The following ADK variants were observed in gnomAD, a reference collection of about 807,000 sequenced individuals.
ADK encodes the protein adenosine kinase.
Under a neutral mutation model 44.7 loss-of-function variants are expected in ADK, and 24 were observed. That is an observed-to-expected ratio of 0.54 (90% confidence interval 0.39 to 0.76). The LOEUF (loss-of-function observed/expected upper bound fraction) is 0.76, where lower values mean the gene tolerates loss of function less well. ADK is among the 30% of genes least tolerant of loss of function. The pLI, the probability that ADK is intolerant of heterozygous loss-of-function variation, is 0.00. For missense variants in ADK, 321 were observed against 425.1 expected (o/e 0.76, Z 2.15); for synonymous variants, 128 against 142.6 (o/e 0.90, Z 0.73).
intron 4 of ADK, among the ~76,000 whole-genome samples, chr10:74,390,530 T>C (rs2132033712): frequency 6.6e-6 from 1 of 152,274 alleles, no homozygotes; most frequent in East Asian, 1.9e-4. Flanking sequence ...TAAATGTATG[T>C]GTGTGTATTT....
intron 10 of ADK, among the ~76,000 whole-genome samples, chr10:74,697,371 T>G (rs1856245288): frequency 6.6e-6 from 1 of 152,088 alleles, no homozygotes; most frequent in Non-Finnish European, 1.5e-5. Flanking sequence ...ACTCCATTTC[T>G]ACAAAAAATA....
chr10:74,381,859 G>A (rs1294026863), intron 4 of ADK, among the ~76,000 whole-genome samples: 1 of 152,164 alleles, frequency 6.6e-6, no homozygotes, highest in Non-Finnish European at 1.5e-5. Context: ...TTTTGATGTT[G>A]CTGCTGTTAA....
At chr10:74,184,289 C>T (rs1007792388) in intron 1 of ADK, among the ~76,000 whole-genome samples, 2 of 152,136 alleles carry the variant, frequency 1.3e-5, no homozygotes, top group African/African-American at 4.8e-5. Context: ...TTGCCCAGGA[C>T]AATTCTGGAT....
rs139338945 is a variant in ADK, at chr10:74,248,172, G to C, written c.194+23581G>C. On this transcript the variant is annotated intron_variant, in intron 3 of 10. Transcript: ENST00000539909. ...TTCCTTCGTGTAGAAGACATGGACTGAGTGATTTTTGCTCAATAAAGGAAA... is the reference window on the plus strand; with the variant it reads ...TTCCTTCGTGTAGAAGACATGGACTCAGTGATTTTTGCTCAATAAAGGAAA... Among the ~76,000 whole-genome samples the C allele has an allele frequency of 4.0e-3, 611 of 152,258 alleles. 3 individuals carry two copies. The highest frequency in any genetic ancestry group is 0.014 in the African/African-American group (574 of 41,546).
intron 3 of ADK, among the ~76,000 whole-genome samples, chr10:74,236,350 A>G (rs1233054987): frequency 2.0e-5 from 3 of 152,220 alleles, no homozygotes; most frequent in South Asian, 2.1e-4. Context: ...TTCTAAGTAG[A>G]TTGAAGGATG....
intron 7 of ADK, among the ~76,000 whole-genome samples, chr10:74,574,189 A>G (rs1851089563): frequency 7.1e-6 from 1 of 141,374 alleles, no homozygotes; most frequent in South Asian, 2.2e-4. Flanking sequence ...TTTTTTTGAG[A>G]AAGATTCTCA....
intron 3 of ADK, among the ~76,000 whole-genome samples, chr10:74,302,863 AC>A (rs974665175): frequency 3.3e-5 from 5 of 151,614 alleles, no homozygotes; most frequent in Admixed American, 3.3e-4. Flanking sequence ...TTAAAAAAAA[AC>A]AACCCAGGAA....
At chr10:74,479,594 A>C (rs373636776) in intron 6 of ADK, among the ~76,000 whole-genome samples, 1 of 151,762 alleles carries the variant, frequency 6.6e-6, no homozygotes, top group Non-Finnish European at 1.5e-5. Flanking sequence ...TACTAAATAT[A>C]TATGTATACT....
chr10:74,292,207 T>C (rs753302704), intron 3 of ADK, among the ~76,000 whole-genome samples: 21 of 152,234 alleles, frequency 1.4e-4, no homozygotes, highest in Non-Finnish European at 2.8e-4. Flanking sequence ...CTCATTTTTT[T>C]GCATTACAAA....
At chr10:74,300,056 T>G (rs2132511695) in intron 3 of ADK, among the ~76,000 whole-genome samples, 1 of 151,842 alleles carries the variant, frequency 6.6e-6, no homozygotes, top group Non-Finnish European at 1.5e-5. Flanking sequence ...CGTCTTCTTT[T>G]TTTTTTTTTT....
At chr10:74,256,901 C>G (rs1459220401) in intron 3 of ADK, among the ~76,000 whole-genome samples, 1 of 152,032 alleles carries the variant, frequency 6.6e-6, no homozygotes, top group Non-Finnish European at 1.5e-5. Flanking sequence ...AATTTTTTAC[C>G]TCTCTGATTT....
chr10:74,576,311 G>T (rs943092384), intron 7 of ADK, among the ~76,000 whole-genome samples: 1 of 151,978 alleles, frequency 6.6e-6, no homozygotes, highest in Non-Finnish European at 1.5e-5. Context: ...CAGTGGAGTT[G>T]GAAGATCCAA....
At chr10:74,648,402 G>A (rs12782355) in intron 9 of ADK, among the ~76,000 whole-genome samples, 35,512 of 152,028 alleles carry the variant, frequency 0.23, 5,300 homozygotes, top group East Asian at 0.69. Flanking sequence ...TGCCTAGGCC[G>A]GGCGCCGTGG....
intron 6 of ADK, among the ~76,000 whole-genome samples, chr10:74,492,454 A>G (rs1245978659): frequency 2.0e-5 from 3 of 152,154 alleles, no homozygotes; most frequent in Non-Finnish European, 4.4e-5. Flanking sequence ...AAGAAAGAAA[A>G]GAAAAGAGAC....
At chr10:74,649,691 C>A (rs1306138802) in intron 9 of ADK, among the ~76,000 whole-genome samples, 2 of 151,926 alleles carry the variant, frequency 1.3e-5, no homozygotes, top group African/African-American at 4.8e-5. Context: ...AGTAGGCTTC[C>A]TGCTAAGTTT....
chr10:74,445,602 A>G (rs1845564734), intron 6 of ADK, among the ~76,000 whole-genome samples: 1 of 152,042 alleles, frequency 6.6e-6, no homozygotes, highest in South Asian at 2.1e-4. Context: ...GTGTTAGTAT[A>G]TTTACACCTG....
intron 10 of ADK, among the ~76,000 whole-genome samples, chr10:74,674,182 G>T (rs1013645127): frequency 6.6e-6 from 1 of 152,126 alleles, no homozygotes; most frequent in African/African-American, 2.4e-5. Context: ...CCAGAAATTT[G>T]CCTGCCTCCT....
chr10:74,280,805 T>C (rs1846906385), intron 3 of ADK, among the ~76,000 whole-genome samples: 1 of 152,230 alleles, frequency 6.6e-6, no homozygotes, highest in African/African-American at 2.4e-5. Flanking sequence ...TAGTGAGGTT[T>C]CAGGAGGAAT....
At chr10:74,248,704 T>A (rs1469679398) in intron 3 of ADK, among the ~76,000 whole-genome samples, 1 of 152,218 alleles carries the variant, frequency 6.6e-6, no homozygotes, top group Non-Finnish European at 1.5e-5. Context: ...AATAACTTTT[T>A]AAACAAGTAT....
Sources: allele counts gnomAD v4.1 joint callset (sites outside exome capture counted in the v4.1 genomes callset), GRCh38; gene constraint gnomAD v4.1.1; transcripts MANE v1.5; gene names NCBI Gene and HGNC (gene_info 2026-07-23, HGNC 2026-07-21).